The following NLRP9 variants were observed in gnomAD, a reference collection of about 807,000 sequenced individuals.
The protein encoded by NLRP9 is NACHT, LRR and PYD domains-containing protein 9.
In NLRP9, 88 loss-of-function variants were observed where a neutral mutation model predicts 83.1. The ratio of observed to expected loss-of-function variants is 1.06; its 90% CI spans 0.89 to 1.26. The LOEUF is 1.26. NLRP9 is among the 50% of genes most tolerant of loss of function. NLRP9 has a pLI of 0.00. For missense variants in NLRP9, 1,308 were observed against 1,179.3 expected (o/e 1.11, Z -1.60); for synonymous variants, 521 against 447.6 (o/e 1.16, Z -2.07).
chr19:55,714,470 A>G (rs1987929814), intron 6 of NLRP9, among the ~76,000 whole-genome samples: 1 of 152,142 alleles, frequency 6.6e-6, no homozygotes, highest in African/African-American at 2.4e-5. Context: ...TCGGGACTCC[A>G]TCCAGGCCTT....
At chr19:55,711,465 T>C (rs1162464294) in intron 8 of NLRP9, 32 of 1,315,792 alleles carry the variant, frequency 2.4e-5, no homozygotes, top group Non-Finnish European at 3.2e-5. Context: ...TGCATATTTA[T>C]GGGCAACGTA....
At chr19:55,712,628 G>A (rs1321783995) in intron 6 of NLRP9, 38 bp from the exon 7 acceptor site, 2 of 1,580,814 alleles carry the variant, frequency 1.3e-6, no homozygotes, top group Admixed American at 1.7e-5. Flanking sequence ...GTACACTTAT[G>A]AGGTCAATCA....
At chr19:55,737,187 A>T (rs933024979) in intron 1 of NLRP9, 1 of 152,132 alleles carries the variant, frequency 6.6e-6, no homozygotes, top group Non-Finnish European at 1.5e-5. Context: ...AAAGTCATGT[A>T]ACACATGGGA....
rs569333350 is a variant in NLRP9, at chr19:55,734,614, C to T, written c.281-1064G>A. Among the ~76,000 whole-genome samples the T allele has an allele frequency of 4.0e-5, 4 of 100,044 alleles. No individual in the cohort carries two copies. The South Asian group carries it at 1.1e-3, about 26-fold the overall frequency. 65.6% of individuals were successfully genotyped at this position (100,044 alleles called of 152,430 possible). A position where few individuals can be genotyped will look rare whatever the true frequency, so the allele number is the denominator to read the frequency against. ...ATATATACATACACATACACACACA[C>T]ACACACATATATATATATATATATT... On this transcript the variant is annotated intron_variant, in intron 1 of 8. Coordinates refer to ENST00000332836, the MANE Select transcript of NLRP9 (RefSeq NM_176820.4).
intron 3 of NLRP9, among the ~76,000 whole-genome samples, chr19:55,724,609 A>G (rs1988344804): frequency 6.6e-6 from 1 of 152,128 alleles, no homozygotes; most frequent in Non-Finnish European, 1.5e-5. Context: ...TTTTAATAAA[A>G]GAGACAATGT....
chr19:55,733,255 AC>A lies in NLRP9; in HGVS notation c.575del (p.Gly192ValfsTer42). 1 of 1,614,028 alleles carries A rather than the reference AC, an allele frequency of 6.2e-7. No homozygotes were observed. Among genetic ancestry groups the A allele is most frequent in the Non-Finnish European group, 8.5e-7 (1 of 1,179,920 alleles). On this transcript the variant is annotated frameshift_variant, in exon 2 of 9. Coordinates refer to ENST00000332836, the MANE Select transcript of NLRP9 (RefSeq NM_176820.4). LOFTEE classifies it high-confidence loss of function. ...VFFLNVCEMN[G>X]IAETSLLELL... ...GCTCCAGTAAGCTGGTCTCTGCGATACCGTTCATTTCACAGACATTGAGGAA... is the reference window on the plus strand; with the variant it reads ...GCTCCAGTAAGCTGGTCTCTGCGATACGTTCATTTCACAGACATTGAGGAA...
intron 5 of NLRP9, among the ~76,000 whole-genome samples, chr19:55,716,186 C>T (rs1462341627): frequency 1.3e-5 from 2 of 151,206 alleles, no homozygotes; most frequent in African/African-American, 4.9e-5. Context: ...AATCATTTTA[C>T]AGTGTATGCA....
chr19:55,719,022 G>C (rs939561944), intron 4 of NLRP9, among the ~76,000 whole-genome samples: 1 of 152,166 alleles, frequency 6.6e-6, no homozygotes, highest in Non-Finnish European at 1.5e-5. Flanking sequence ...AATTAGGTGA[G>C]AGTCAGATCC....
intron 1 of NLRP9, 81 bp downstream of exon 1, chr19:55,738,014 G>A: frequency 7.8e-7 from 1 of 1,281,128 alleles, no homozygotes. Flanking sequence ...CTGATGGAGG[G>A]GGTGGCCACT....
At chr19:55,721,030 A>T (rs543802315) in intron 4 of NLRP9, among the ~76,000 whole-genome samples, 52 of 152,346 alleles carry the variant, frequency 3.4e-4, no homozygotes, top group African/African-American at 1.3e-3. Context: ...AAACGGGACA[A>T]GTGGAACACA....
chr19:55,738,212 C>T lies in NLRP9; in HGVS notation c.163G>A (p.Val55Ile), dbSNP rs1988836867. The T allele has an allele frequency of 6.2e-7, 1 of 1,614,070 alleles. No individual in the cohort carries two copies. The highest frequency in any genetic ancestry group is 1.1e-5 in the South Asian group (1 of 91,088). The change falls in exon 1 of 9, where the codon GTA (valine) becomes ATA (isoleucine). Residue 55 changes from valine (V) to isoleucine (I), a missense_variant. Physicochemically the swap from Val to Ile is conservative, Grantham distance 29 (BLOSUM62 3). Transcript: ENST00000332836. ...TAATGTTTGTCCAGCAGCTTTGCTA[C>T]ATCTTCTTTGGAGGCCTTCTTCAGC... Reference protein sequence around the residue: ...AELKKASKEDVAKLLDKHYPG... With the variant: ...AELKKASKEDIAKLLDKHYPG...
chr19:55,715,650 C>T (rs1400906818), intron 5 of NLRP9, among the ~76,000 whole-genome samples: 3 of 152,152 alleles, frequency 2.0e-5, no homozygotes, highest in African/African-American at 7.2e-5. Flanking sequence ...TGCCACTGCA[C>T]TTCAGCCTGG....
chr19:55,710,714 T>C (rs1006979809), intron 8 of NLRP9, among the ~76,000 whole-genome samples: 5 of 152,202 alleles, frequency 3.3e-5, no homozygotes, highest in African/African-American at 9.7e-5. Flanking sequence ...TTCCTGTGGC[T>C]ACCTCAGAAG....
chr19:55,713,546 G>A (rs530891879), intron 6 of NLRP9, among the ~76,000 whole-genome samples: 27 of 133,954 alleles, frequency 2.0e-4, no homozygotes, highest in Admixed American at 7.0e-4. Context: ...GGTCTACCAC[G>A]CCAGGAGAGA....
chr19:55,714,820 G>A (rs56909302), intron 6 of NLRP9, among the ~76,000 whole-genome samples: 2,764 of 152,244 alleles, frequency 0.018, 96 homozygotes, highest in African/African-American at 0.063. Context: ...GGAAGGGGCA[G>A]AAGAGTCTCT....
intron 1 of NLRP9, among the ~76,000 whole-genome samples, chr19:55,734,694 G>A (rs1026682387): frequency 6.6e-5 from 10 of 150,730 alleles, no homozygotes; most frequent in African/African-American, 2.2e-4. Flanking sequence ...GAGTGAGATG[G>A]CGCTATCTCA....
rs1195924666 is a variant in NLRP9 at position 55,732,646 on chromosome 19, C to T, written c.1185G>A (p.Leu395=). The part of the protein sequence containing the change: ...PKVNRARLKS[L]CALAAEGIWT... The stretch of plus-strand genomic sequence containing the variant: ...AAATTCCCTCTGCAGCCAAAGCACA[C>T]AGGCTTTTTAGTCGGGCTCTGTTCA... Residue 395 remains leucine, a synonymous_variant, in exon 2 of 9, where the codon CTG becomes CTA. Coordinates refer to ENST00000332836, the MANE Select transcript of NLRP9 (RefSeq NM_176820.4). The T allele has an allele frequency of 6.2e-7, 1 of 1,614,168 alleles. No individual in the cohort carries two copies. The highest frequency in any genetic ancestry group is 8.5e-7 in the Non-Finnish European group (1 of 1,180,020).
chr19:55,736,852 CAA>C (rs10711945), intron 1 of NLRP9, among the ~76,000 whole-genome samples: 3 of 146,170 alleles, frequency 2.1e-5, no homozygotes, highest in African/African-American at 7.4e-5. Flanking sequence ...AAAACAAAAA[CAA>C]AAAAAAAAAC....
intron 2 of NLRP9, 46 bp downstream of exon 2, chr19:55,731,953 A>T (rs1600141473): frequency 7.9e-7 from 1 of 1,273,442 alleles, no homozygotes; most frequent in Non-Finnish European, 1.1e-6. Flanking sequence ...ACTAGAGCAA[A>T]CTCCAAGTGT....
Sources: allele counts gnomAD v4.1 joint callset (sites outside exome capture counted in the v4.1 genomes callset), GRCh38; gene constraint gnomAD v4.1.1; transcripts MANE v1.5; gene names NCBI Gene and HGNC (gene_info 2026-07-23, HGNC 2026-07-21).